CHODL: variants seen among roughly 807,000 people sequenced by gnomAD.
CHODL encodes the protein chondrolectin, also known as transmembrane protein MT75.
A neutral mutation model predicts 34.5 loss-of-function variants in CHODL; 29 were observed. The ratio of observed to expected loss-of-function variants is 0.84; its 90% confidence interval spans 0.63 to 1.15. The LOEUF is 1.15. CHODL is among the 50% of genes most tolerant of loss of function. The pLI, the probability that CHODL is intolerant of heterozygous loss-of-function variation, is 0.00. For synonymous variants in CHODL, 125 were observed against 116.1 expected, an observed-to-expected ratio of 1.08 and a Z score of -0.49; for missense variants, 332 against 332.5, an observed-to-expected ratio of 1.00 and a Z score of 0.01.
chr21:18,119,849 G>T (rs1000019997), intron 2 of CHODL, among the ~76,000 whole-genome samples: 1 of 152,130 alleles, frequency 6.6e-6, no homozygotes, highest in Non-Finnish European at 1.5e-5. Flanking sequence ...AACAAAGTAT[G>T]CAGGTCATCC....
At chr21:18,118,602 T>A (rs1259759436) in intron 2 of CHODL, among the ~76,000 whole-genome samples, 2 of 152,196 alleles carry the variant, frequency 1.3e-5, no homozygotes, top group Non-Finnish European at 2.9e-5. Flanking sequence ...CTATATTTCA[T>A]GTAATTATCT....
intron 2 of CHODL, among the ~76,000 whole-genome samples, chr21:18,152,620 CT>C (rs2072984302): frequency 6.6e-6 from 1 of 152,220 alleles, no homozygotes; most frequent in Non-Finnish European, 1.5e-5. Context: ...ACATGGCTCT[CT>C]CAAAACATGG....
At chr21:17,966,515 T>C (rs2063573276) in intron 1 of CHODL, among the ~76,000 whole-genome samples, 1 of 152,190 alleles carries the variant, frequency 6.6e-6, no homozygotes, top group South Asian at 2.1e-4. Context: ...ACTTGTCTAG[T>C]TCTTATTTCC....
At chr21:18,259,372 T>C (rs1239673905) in intron 3 of CHODL, among the ~76,000 whole-genome samples, 1 of 151,970 alleles carries the variant, frequency 6.6e-6, no homozygotes, top group East Asian at 1.9e-4. Context: ...TTTTAAAGTG[T>C]GTAGCAAGAG....
chr21:18,248,857 TTGTATA>T (rs891761206), intron 1 of CHODL, among the ~76,000 whole-genome samples: 4 of 112,522 alleles, frequency 3.6e-5, no homozygotes, highest in Non-Finnish European at 6.4e-5. Flanking sequence ...TATATATACA[TTGTATA>T]TGTGTATATA....
At chr21:18,140,673 T>C (rs551601220) in intron 2 of CHODL, among the ~76,000 whole-genome samples, 3 of 152,282 alleles carry the variant, frequency 2.0e-5, no homozygotes, top group African/African-American at 7.2e-5. Context: ...TCTGCTTTCA[T>C]AGTAAAATAC....
intron 2 of CHODL, chr21:18,034,650 C>G (rs1403366902): frequency 6.6e-6 from 1 of 151,958 alleles, no homozygotes; most frequent in Non-Finnish European, 1.5e-5. Context: ...AATGTGAGAA[C>G]AACAATTGTC....
At chr21:18,189,516 TA>T (rs1215504802) in intron 2 of CHODL, among the ~76,000 whole-genome samples, 3 of 152,100 alleles carry the variant, frequency 2.0e-5, no homozygotes, top group African/African-American at 7.2e-5. Context: ...TGATAATTGT[TA>T]AGAGCTGAAT....
chr21:18,012,930 T>C (rs1045291432), intron 1 of CHODL, among the ~76,000 whole-genome samples: 1 of 137,412 alleles, frequency 7.3e-6, no homozygotes, highest in Admixed American at 7.2e-5. Context: ...GATAAATAAA[T>C]GCGTAAAAAA....
At chr21:18,253,122 T>C (rs2074277640) in intron 1 of CHODL, among the ~76,000 whole-genome samples, 1 of 152,170 alleles carries the variant, frequency 6.6e-6, no homozygotes, top group South Asian at 2.1e-4. Flanking sequence ...CTTAATTTTA[T>C]GAGTTAATTT....
At chr21:18,193,019 T>C (rs1172458379) in intron 2 of CHODL, among the ~76,000 whole-genome samples, 1 of 152,170 alleles carries the variant, frequency 6.6e-6, no homozygotes, top group African/African-American at 2.4e-5. Context: ...TCTTGTATAG[T>C]AGCAAATTGT....
At chr21:17,977,345 G>C (rs2063671505) in intron 1 of CHODL, among the ~76,000 whole-genome samples, 2 of 150,538 alleles carry the variant, frequency 1.3e-5, no homozygotes, top group Non-Finnish European at 3.0e-5. Flanking sequence ...TACATGTTAA[G>C]GTGTTGTTGG....
intron 2 of CHODL, among the ~76,000 whole-genome samples, chr21:18,094,967 TA>T (rs1303901667): frequency 6.6e-6 from 1 of 151,444 alleles, no homozygotes; most frequent in Non-Finnish European, 1.5e-5. Context: ...CTACTAAAAA[TA>T]AAAAAATTAG....
chr21:17,972,782 G>GA (rs1231845348), intron 1 of CHODL, among the ~76,000 whole-genome samples: 1 of 152,134 alleles, frequency 6.6e-6, no homozygotes, highest in Non-Finnish European at 1.5e-5. Flanking sequence ...CACAGAATTA[G>GA]AAAAAACTAC....
At chr21:18,253,055 T>C (rs1028678314) in intron 1 of CHODL, among the ~76,000 whole-genome samples, 2 of 152,154 alleles carry the variant, frequency 1.3e-5, no homozygotes, top group African/African-American at 4.8e-5. Context: ...AACATAATGG[T>C]GTTAGAAATT....
At chr21:17,948,286 C>T (rs897188638) in intron 1 of CHODL, among the ~76,000 whole-genome samples, 2 of 150,414 alleles carry the variant, frequency 1.3e-5, no homozygotes, top group Non-Finnish European at 3.0e-5. Flanking sequence ...ACTTGTTCCC[C>T]TAAATCTACA....
In CHODL at chr21:18,163,729, G is replaced by T. The variant is rs116454234; in HGVS notation, c.-44-92780G>T. ...TGGGGGCTATTTTAAGTTTCTTGAGGTATTGTTTATATTTCATTGATAATC... is the reference window on the plus strand; with the variant it reads ...TGGGGGCTATTTTAAGTTTCTTGAGTTATTGTTTATATTTCATTGATAATC... On this transcript the variant is annotated intron_variant, in intron 2 of 6. Transcript: ENST00000400127. 4.2e-3 allele frequency among the ~76,000 whole-genome samples: 634 copies of T among 152,104 alleles called. 3 individuals are homozygous for T. Among genetic ancestry groups the T allele is most frequent in the African/African-American group, 0.015 (606 of 41,504 alleles).
chr21:18,211,187 C>A (rs1442359840), intron 2 of CHODL, among the ~76,000 whole-genome samples: 1 of 151,750 alleles, frequency 6.6e-6, no homozygotes. Context: ...CACACCCTGG[C>A]CGCATTCCTG....
At chr21:18,245,434 C>T in intron 1 of CHODL, 132 bp downstream of exon 1, 1 of 676,366 alleles carries the variant, frequency 1.5e-6, no homozygotes, top group Non-Finnish European at 2.4e-6. Context: ...CGGGAGGAGG[C>T]GGGGAGAAAT....
Sources: gnomAD v4.1 joint callset for allele counts (sites outside exome capture counted in the v4.1 genomes callset) on GRCh38, gnomAD v4.1.1 for gene constraint, MANE v1.5 for transcripts, NCBI Gene and HGNC (gene_info 2026-07-23, HGNC 2026-07-21) for gene names.